The following TJP2 variants were observed in gnomAD, a reference collection of about 807,000 sequenced individuals.
The protein encoded by TJP2 is tight junction protein 2, also known as Friedreich ataxia region gene X104 (tight junction protein ZO-2).
Under a neutral mutation model 133.1 loss-of-function variants are expected in TJP2, and 91 were observed. That is an observed-to-expected ratio of 0.68 (90% CI 0.58 to 0.81). The LOEUF (loss-of-function observed/expected upper bound fraction) is 0.81. Among genes scored for constraint, TJP2 ranks in the 40% least tolerant of loss-of-function variants. The pLI is 0.00. For missense variants in TJP2, 1,541 were observed against 1,565.6 expected, an observed-to-expected ratio of 0.98 and a Z score of 0.26; for synonymous variants, 592 against 583.4, an observed-to-expected ratio of 1.01 and a Z score of -0.21.
At chr9:69,248,388 G>A (rs1831084077) in intron 19 of TJP2, 164 bp downstream of exon 19, 1 of 1,437,408 alleles carries the variant, frequency 7.0e-7, no homozygotes, top group Non-Finnish European at 9.2e-7. Flanking sequence ...CATGGTTGCA[G>A]TCTGTGGGAA....
At chr9:69,174,165 G>T, upstream of TJP2, 3 of 1,286,990 alleles carry the variant, frequency 2.3e-6, no homozygotes, top group South Asian at 7.8e-5. Context: ...GGCGGCCAGC[G>T]CGGAGGCGCC....
At chr9:69,241,241 T>A (rs1373649826) in intron 17 of TJP2, among the ~76,000 whole-genome samples, 2 of 152,238 alleles carry the variant, frequency 1.3e-5, no homozygotes, top group African/African-American at 2.4e-5. Context: ...ATATATGCAC[T>A]GTCTATATAA....
Position 69,221,093 on chromosome 9 carries a change from GGCCCGGA to G in TJP2, c.553_559del (p.Arg185GlyfsTer124). 1 of 1,585,846 alleles carries G rather than the reference GGCCCGGA, an allele frequency of 6.3e-7. No homozygotes were observed. The highest frequency in any genetic ancestry group is 1.1e-5 in the South Asian group (1 of 87,816). On this transcript the variant is annotated frameshift_variant, in exon 5 of 23. Coordinates refer to ENST00000377245, the MANE Select transcript of TJP2 (RefSeq NM_004817.4). LOFTEE classifies it high-confidence loss of function. ...CGGAAAGGGGGCGTCCCCATGAGCG[GGCCCGGA>G]GCCGGGAGCGGGACCTCAGCCGGGA...
intron 1 of TJP2, among the ~76,000 whole-genome samples, chr9:69,140,925 C>T (rs1202886133): frequency 6.6e-6 from 1 of 152,202 alleles, no homozygotes; most frequent in African/African-American, 2.4e-5. Context: ...TGGCTCACTG[C>T]CACCTCTGCC....
intron 2 of TJP2, chr9:69,151,847 A>G (rs771871379): frequency 1.6e-6 from 2 of 1,223,016 alleles, no homozygotes; most frequent in Non-Finnish European, 2.0e-6. Context: ...TACCGTTTTC[A>G]CATTCTAGAG....
chr9:69,164,858 C>T (rs961281463), intron 2 of TJP2, among the ~76,000 whole-genome samples: 3 of 152,018 alleles, frequency 2.0e-5, no homozygotes, highest in Non-Finnish European at 4.4e-5. Flanking sequence ...GAGATGGAGT[C>T]TTGCTCTGTT....
chr9:69,175,610 G>T (rs912250476), intron 1 of TJP2, among the ~76,000 whole-genome samples: 1 of 152,206 alleles, frequency 6.6e-6, no homozygotes. Context: ...CTCCACTTCA[G>T]TGTGGGGATT....
chr9:69,174,359 G>C lies in TJP2; in HGVS notation c.-14G>C. ...GGTCCGGAGCTGCGCGCCTACGCGGGACCTGTGTCCGAAATGCCGGTGCGA... is the reference window on the plus strand; with the variant it reads ...GGTCCGGAGCTGCGCGCCTACGCGGCACCTGTGTCCGAAATGCCGGTGCGA... On this transcript the variant is annotated 5_prime_UTR_variant, in exon 1 of 23. Coordinates refer to ENST00000377245, the MANE Select transcript of TJP2 (RefSeq NM_004817.4). The C allele has an allele frequency of 6.4e-7, 1 of 1,551,618 alleles. No individual in the cohort carries two copies. The highest frequency in any genetic ancestry group is 8.7e-7 in the Non-Finnish European group (1 of 1,147,002).
rs2133490410 is a variant in TJP2 at position 69,251,026 on chromosome 9, T to G, written c.2992-9T>G. 1.9e-6 allele frequency: 3 copies of G among 1,613,822 alleles called. No individual in the cohort carries two copies. Among genetic ancestry groups the G allele is most frequent in the East Asian group, 2.2e-5 (1 of 44,892 alleles). On this transcript the variant is annotated splice_polypyrimidine_tract_variant and intron_variant, in intron 20 of 22. Coordinates refer to ENST00000377245, the MANE Select transcript of TJP2 (RefSeq NM_004817.4). ...GCCCAGGGTGAAAACGTGTCATTGC[T>G]CTCCGCAGGCCAAAACCCAGAACAA... is the stretch of plus-strand genomic sequence containing the variant.
intron 20 of TJP2, among the ~76,000 whole-genome samples, chr9:69,250,595 C>G (rs1297595604): frequency 6.6e-6 from 1 of 152,178 alleles, no homozygotes; most frequent in African/African-American, 2.4e-5. Flanking sequence ...CCTCGCTCCC[C>G]ACCCCAGTCT....
chr9:69,250,996 T>TAA (rs1563962634), intron 20 of TJP2, 39 bp from the exon 21 acceptor site: 1 of 1,586,962 alleles, frequency 6.3e-7, no homozygotes, highest in Non-Finnish European at 8.6e-7. Flanking sequence ...AAAATAAACT[T>TAA]AAAAGCCCAG....
chr9:69,240,803 C>CAA lies in TJP2; in HGVS notation c.2566+658_2566+659dup, dbSNP rs200610994. On this transcript the variant is annotated intron_variant, in intron 17 of 22. Transcript: ENST00000377245. The stretch of plus-strand genomic sequence containing the variant: ...GTGACTGAGTGAGACCCTGTCTCTT[C>CAA]AAAGAAAAAAAAAAAAATCTAGAAA... Among the ~76,000 whole-genome samples, 37 of 140,558 alleles carry CAA rather than the reference C, an allele frequency of 2.6e-4. 1 individual carries two copies. Among genetic ancestry groups the CAA allele is most frequent in the South Asian group, 2.5e-3 (11 of 4,376 alleles). The allele number at this position is 140,558 out of a possible 152,430, so 92.2% of individuals were successfully genotyped here.
At chr9:69,163,310 A>G (rs1824184770) in intron 2 of TJP2, among the ~76,000 whole-genome samples, 2 of 148,596 alleles carry the variant, frequency 1.3e-5, no homozygotes, top group South Asian at 4.4e-4. Flanking sequence ...TACAGGCGTG[A>G]GCCACCGCGC....
chr9:69,233,873 T>C (rs1829972692), intron 11 of TJP2, among the ~76,000 whole-genome samples: 1 of 152,262 alleles, frequency 6.6e-6, no homozygotes, highest in South Asian at 2.1e-4. Context: ...GCTGATGCTC[T>C]TTAATTTGAT....
At chr9:69,254,046 C>A (rs1831529546) in intron 22 of TJP2, 163 bp from the exon 23 acceptor site, 1 of 823,616 alleles carries the variant, frequency 1.2e-6, no homozygotes, top group Non-Finnish European at 2.0e-6. Flanking sequence ...CTATTACGAA[C>A]CTGGAGCAGG....
At chr9:69,198,244 C>A (rs775372756) in intron 1 of TJP2, among the ~76,000 whole-genome samples, 2 of 147,638 alleles carry the variant, frequency 1.4e-5, no homozygotes, top group African/African-American at 5.0e-5. Flanking sequence ...CAGGTTCAAG[C>A]GATTCTCTTG....
chr9:69,254,186 C>CT (rs754851099), intron 22 of TJP2, 23 bp from the exon 23 acceptor site: 2 of 1,614,188 alleles, frequency 1.2e-6, no homozygotes, highest in South Asian at 2.2e-5. Flanking sequence ...TCTGGAATGT[C>CT]TTTAACACCC....
chr9:69,153,853 G>A (rs1041967991), intron 2 of TJP2, among the ~76,000 whole-genome samples: 35 of 152,146 alleles, frequency 2.3e-4, no homozygotes, highest in Admixed American at 1.9e-3. Context: ...GTTCTTTCAT[G>A]TGTAAACACT....
intron 17 of TJP2, among the ~76,000 whole-genome samples, chr9:69,241,175 A>G (rs1288999457): frequency 2.0e-5 from 3 of 152,250 alleles, no homozygotes; most frequent in Non-Finnish European, 4.4e-5. Flanking sequence ...ATGAAGAGCC[A>G]TTGCTATTAC....
Sources: allele counts gnomAD v4.1 joint callset (sites outside exome capture counted in the v4.1 genomes callset), GRCh38; gene constraint gnomAD v4.1.1; transcripts MANE v1.5; gene names NCBI Gene and HGNC (gene_info 2026-07-23, HGNC 2026-07-21).